TATDN3: variants seen among roughly 807,000 people sequenced by gnomAD.
The protein encoded by TATDN3 is deoxyribonuclease TATDN3.
A neutral mutation model predicts 40.1 loss-of-function variants in TATDN3; 29 were observed. The ratio of observed to expected loss-of-function variants is 0.72; its 90% CI spans 0.54 to 0.99. The LOEUF (loss-of-function observed/expected upper bound fraction) is 0.99, where lower values mean the gene tolerates loss of function less well. Ranked by LOEUF, TATDN3 falls within the 50% of genes least tolerant of loss-of-function variation. TATDN3 has a pLI of 0.00. For synonymous variants in TATDN3, 105 were observed against 117.0 expected, an observed-to-expected ratio of 0.90 and a Z score of 0.66; for missense variants, 309 against 321.9, an observed-to-expected ratio of 0.96 and a Z score of 0.31.
At chr1:212,814,132 A>G (rs1485266156) in intron 9 of TATDN3, among the ~76,000 whole-genome samples, 1 of 152,058 alleles carries the variant, frequency 6.6e-6, no homozygotes, top group East Asian at 1.9e-4. Context: ...ACCTCTGTAT[A>G]TATTAATAAA....
At chr1:212,795,314 A>C (rs939727606) in intron 2 of TATDN3, among the ~76,000 whole-genome samples, 187 bp downstream of exon 2, 5 of 151,840 alleles carry the variant, frequency 3.3e-5, no homozygotes, top group Admixed American at 3.3e-4. Flanking sequence ...TCTGTCGCCC[A>C]GGCTGGAGTG....
chr1:212,794,918 C>A (rs570712624), intron 1 of TATDN3, 177 bp from the exon 2 acceptor site: 1 of 655,166 alleles, frequency 1.5e-6, no homozygotes, highest in Non-Finnish European at 2.8e-6. Flanking sequence ...AGTAGCCAGA[C>A]TTTACTGATA....
At chr1:212,802,617 G>A (rs1448057008) in intron 4 of TATDN3, 84 bp from the exon 5 acceptor site, 8 of 880,902 alleles carry the variant, frequency 9.1e-6, no homozygotes, top group African/African-American at 1.7e-5. Context: ...GCACCAGGAT[G>A]GCATAGCACC....
Position 212,791,942 on chromosome 1 carries a change from C to T in TATDN3, c.21C>T (p.Gly7=), listed in dbSNP as rs61736926. The change falls in exon 1 of 10, where the codon GGC becomes GGT. Residue 7 remains glycine (G), a synonymous_variant. Coordinates refer to ENST00000366974, the MANE Select transcript of TATDN3 (RefSeq NM_001042552.3). MRAAGV[G]LVDCHCHLSA... is the part of the protein sequence containing the mutation. The stretch of plus-strand genomic sequence containing the variant: ...GCGCAATGCGAGCGGCTGGCGTAGG[C>T]TTGGTGGACTGTCACTGCCACCTCT... The T allele has an allele frequency of 2.5e-6, 4 of 1,613,470 alleles. No homozygotes were observed. The Admixed American group carries it at 5.0e-5, about 20-fold the overall frequency.
intron 9 of TATDN3, among the ~76,000 whole-genome samples, chr1:212,814,795 T>C (rs1663093629): frequency 6.6e-6 from 1 of 152,190 alleles, no homozygotes; most frequent in Non-Finnish European, 1.5e-5. Flanking sequence ...GGGACTTCAA[T>C]TGTAAATACC....
chr1:212,806,839 TATATACAC>T lies in TATDN3; in HGVS notation c.488-891_488-884del, dbSNP rs1379346174. Among the ~76,000 whole-genome samples, 635 of 71,828 alleles carry T rather than the reference TATATACAC, an allele frequency of 8.8e-3. 39 individuals carry two copies. Among genetic ancestry groups the T allele is most frequent in the Non-Finnish European group, 0.013 (514 of 38,548 alleles). The allele number at this position is 71,828 out of a possible 152,430, so 47.1% of individuals were successfully genotyped here. ...ATACACATATATACATATATATACA[TATATACAC>T]ATATATACATATGTATATACACATA... On this transcript the variant is annotated intron_variant, in intron 7 of 9. Coordinates refer to ENST00000366974, the MANE Select transcript of TATDN3 (RefSeq NM_001042552.3).
chr1:212,799,149 G>A (rs946572407), intron 4 of TATDN3, among the ~76,000 whole-genome samples: 2 of 152,152 alleles, frequency 1.3e-5, no homozygotes, highest in African/African-American at 4.8e-5. Flanking sequence ...TAGAGAAAGA[G>A]AGGAAGTGAT....
At chr1:212,806,785 C>CATATAT (rs1348078235) in intron 7 of TATDN3, among the ~76,000 whole-genome samples, 1 of 57,480 alleles carries the variant, frequency 1.7e-5, no homozygotes, top group Admixed American at 2.4e-4. Context: ...TATATATATA[C>CATATAT]ACACACACAC....
chr1:212,794,721 C>G, intron 1 of TATDN3: 1 of 469,794 alleles, frequency 2.1e-6, no homozygotes, highest in Non-Finnish European at 4.2e-6. Context: ...GGGAGCTAGT[C>G]AAGGAGACTG....
At chr1:212,808,729 C>T (rs2102473237) in intron 8 of TATDN3, among the ~76,000 whole-genome samples, 1 of 152,236 alleles carries the variant, frequency 6.6e-6, no homozygotes, top group Non-Finnish European at 1.5e-5. Flanking sequence ...CCTCATTAGC[C>T]ATTTTGGAAA....
At chr1:212,814,381 A>C (rs1663074533) in intron 9 of TATDN3, among the ~76,000 whole-genome samples, 1 of 152,208 alleles carries the variant, frequency 6.6e-6, no homozygotes, top group African/African-American at 2.4e-5. Flanking sequence ...AGTAACAATA[A>C]TAATTTATTT....
In TATDN3 at chr1:212,802,687, T is replaced by A. The variant is rs904257976; in HGVS notation, c.259-14T>A. ...CTTTCTTCCATTTTAACAATTTTAC[T>A]TTTTTTCTCCCAGGATTTGGATGTA... On this transcript the variant is annotated splice_polypyrimidine_tract_variant and intron_variant, in intron 4 of 9. Coordinates refer to ENST00000366974, the MANE Select transcript of TATDN3 (RefSeq NM_001042552.3). The A allele has an allele frequency of 1.9e-6, 3 of 1,599,884 alleles. No homozygotes were observed. Among genetic ancestry groups the A allele is most frequent in the Admixed American group, 3.3e-5 (2 of 59,972 alleles).
At position 212,804,336 on chromosome 1, in the gene TATDN3, C is replaced by T. The variant is rs1662332919; in HGVS notation, c.338C>T (p.Ser113Phe). The stretch of plus-strand genomic sequence containing the variant: ...CTGCTCTAGGTTGGACTAGATTTCT[C>T]CCCCAGATTTGCTGGCACTGGTGAA... ...LAIGEVGLDF[S>F]PRFAGTGEQK... The change falls in exon 6 of 10, where the codon TCC (serine) becomes TTC (phenylalanine). Residue 113 changes from serine to phenylalanine, a missense_variant. Coordinates refer to ENST00000366974, the MANE Select transcript of TATDN3 (RefSeq NM_001042552.3). 6.2e-7 allele frequency: 1 copy of T among 1,613,674 alleles called. No homozygotes were observed. The highest frequency in any genetic ancestry group is 8.5e-7 in the Non-Finnish European group (1 of 1,179,686).
chr1:212,807,687 AT>A, intron 7 of TATDN3, 48 bp from the exon 8 acceptor site: 1 of 1,401,416 alleles, frequency 7.1e-7, no homozygotes, highest in South Asian at 1.3e-5. Flanking sequence ...ATTTAATTTG[AT>A]TGATGGGACA....
Position 212,791,904 on chromosome 1 carries a change from G to T in TATDN3, c.-18G>T, listed in dbSNP as rs768495915. The T allele has an allele frequency of 3.1e-6, 5 of 1,612,584 alleles. No homozygotes were observed. The highest frequency in any genetic ancestry group is 3.4e-6 in the Non-Finnish European group (4 of 1,179,526). ...CCGGCTCTGCTGGCCGGTCTAAAGCGGCAGCCGCCGGGGCGCAATGCGAGC... is the reference window on the plus strand; with the variant it reads ...CCGGCTCTGCTGGCCGGTCTAAAGCTGCAGCCGCCGGGGCGCAATGCGAGC... On this transcript the variant is annotated 5_prime_UTR_variant, in exon 1 of 10. Transcript: ENST00000366974.
intron 1 of TATDN3, chr1:212,794,709 A>T (rs1233067980): frequency 2.1e-6 from 1 of 465,436 alleles, no homozygotes. Context: ...TGAAAGAGGA[A>T]GGGGAGCTAG....
chr1:212,795,557 C>T (rs761068075), intron 2 of TATDN3, among the ~76,000 whole-genome samples: 2 of 152,066 alleles, frequency 1.3e-5, no homozygotes, highest in African/African-American at 2.4e-5. Flanking sequence ...AGGCGTGACC[C>T]ACTACGACCA....
At chr1:212,797,289 G>A in intron 4 of TATDN3, 93 bp downstream of exon 4, 12 of 907,628 alleles carry the variant, frequency 1.3e-5, no homozygotes, top group East Asian at 5.4e-5. Flanking sequence ...TATATTCTCA[G>A]GAAATAATCC....
intron 7 of TATDN3, among the ~76,000 whole-genome samples, chr1:212,806,368 CTT>C (rs771628190): frequency 1.9e-4 from 25 of 132,470 alleles, no homozygotes; most frequent in African/African-American, 5.8e-4. Flanking sequence ...TTCTCTCTCT[CTT>C]TTTTTTTTTT....
Sources: allele counts gnomAD v4.1 joint callset (sites outside exome capture counted in the v4.1 genomes callset), GRCh38; gene constraint gnomAD v4.1.1; transcripts MANE v1.5; gene names NCBI Gene and HGNC (gene_info 2026-07-23, HGNC 2026-07-21).